The following CAMK4 variants were observed in gnomAD, a reference collection of about 807,000 sequenced individuals.
CAMK4 encodes the protein calcium/calmodulin dependent protein kinase IV.
Under a neutral mutation model 44.9 loss-of-function variants are expected in CAMK4, and 22 were observed. The ratio of observed to expected loss-of-function variants is 0.49; its 90% confidence interval spans 0.35 to 0.70. The LOEUF (loss-of-function observed/expected upper bound fraction) is 0.70. Among genes scored for constraint, CAMK4 ranks in the 30% least tolerant of loss-of-function variants. CAMK4 has a pLI of 0.01. For synonymous variants in CAMK4, 218 were observed against 215.4 expected, an observed-to-expected ratio of 1.01 and a Z score of -0.11; for missense variants, 498 against 586.8, an observed-to-expected ratio of 0.85 and a Z score of 1.56.
At chr5:111,353,396 A>C (rs1243683409) in intron 2 of CAMK4, among the ~76,000 whole-genome samples, 2 of 151,924 alleles carry the variant, frequency 1.3e-5, no homozygotes, top group African/African-American at 4.8e-5. Flanking sequence ...AACTACATAT[A>C]TTAATATGTG....
intron 2 of CAMK4, among the ~76,000 whole-genome samples, chr5:111,353,079 A>G (rs182073180): frequency 1.3e-5 from 2 of 152,126 alleles, no homozygotes; most frequent in Non-Finnish European, 2.9e-5. Flanking sequence ...GGTTGGAGGT[A>G]ATGCACAGAG....
intron 1 of CAMK4, among the ~76,000 whole-genome samples, chr5:111,252,084 C>T (rs764420527): frequency 1.3e-4 from 20 of 152,118 alleles, no homozygotes; most frequent in Non-Finnish European, 2.2e-4. Flanking sequence ...TATGGGATGC[C>T]AAGGCATAGT....
chr5:111,386,452 G>T (rs1226450917), intron 4 of CAMK4, among the ~76,000 whole-genome samples: 1 of 152,182 alleles, frequency 6.6e-6, no homozygotes, highest in African/African-American at 2.4e-5. Context: ...GGGCAGAGCA[G>T]CAGGGCTCCC....
At position 111,467,743 on chromosome 5, in the gene CAMK4, C is replaced by T. The variant is rs542427869; in HGVS notation, c.626-5568C>T. 2.4e-4 allele frequency among the ~76,000 whole-genome samples: 36 copies of T among 152,170 alleles called. No homozygotes were observed. The Middle Eastern group carries it at 0.014, about 58-fold the overall frequency. Reference sequence around the variant, plus strand: ...ATGTGGTGAAAGGGGAACACTTTTACACTGTTGATGGGAATGTAAACTAGT... The same window carrying T: ...ATGTGGTGAAAGGGGAACACTTTTATACTGTTGATGGGAATGTAAACTAGT... On this transcript the variant is annotated intron_variant, in intron 7 of 10. Coordinates refer to ENST00000282356, the MANE Select transcript of CAMK4 (RefSeq NM_001744.6).
At chr5:111,254,672 A>C (rs1749662908) in intron 1 of CAMK4, among the ~76,000 whole-genome samples, 1 of 152,110 alleles carries the variant, frequency 6.6e-6, no homozygotes, top group Non-Finnish European at 1.5e-5. Context: ...GAGTATGTAC[A>C]TTTCCACCTG....
At chr5:111,433,798 A>G in intron 5 of CAMK4, among the ~76,000 whole-genome samples, 1 of 152,202 alleles carries the variant, frequency 6.6e-6, no homozygotes, top group Non-Finnish European at 1.5e-5. Flanking sequence ...CATGGCAAGA[A>G]TTGTCCCAGG....
chr5:111,386,786 G>A (rs1001555026), intron 4 of CAMK4, among the ~76,000 whole-genome samples: 1 of 152,248 alleles, frequency 6.6e-6, no homozygotes, highest in Non-Finnish European at 1.5e-5. Flanking sequence ...GAAGCCAGAC[G>A]CTTTCAGTGG....
chr5:111,355,354 G>A (rs1031314690), intron 2 of CAMK4, among the ~76,000 whole-genome samples: 2 of 152,132 alleles, frequency 1.3e-5, no homozygotes, highest in South Asian at 2.1e-4. Context: ...TTAAATCTTG[G>A]CCTGATTTGT....
chr5:111,484,358 G>C lies in CAMK4; in HGVS notation c.1314G>C (p.Glu438Asp). The C allele has an allele frequency of 1.2e-6, 2 of 1,611,866 alleles. No individual in the cohort carries two copies. The highest frequency in any genetic ancestry group is 1.7e-6 in the Non-Finnish European group (2 of 1,179,042). Residue 438 changes from glutamate (E) to aspartate (D), a missense_variant, in exon 11 of 11, where the codon GAG (glutamate) becomes GAC (aspartate). Transcript: ENST00000282356. This position sits in a 1 kb window ranked among gnomAD's most constrained non-coding sequence, Gnocchi z 5.3. ...ADLELEEGLA[E>D]EKLKTVEEAA... Reference sequence around the variant, plus strand: ...TGGAACTAGAGGAGGGCCTAGCAGAGGAGAAGCTGAAGACTGTGGAGGAGG... The same window carrying C: ...TGGAACTAGAGGAGGGCCTAGCAGACGAGAAGCTGAAGACTGTGGAGGAGG...
intron 7 of CAMK4, among the ~76,000 whole-genome samples, chr5:111,464,881 A>C (rs1754767866): frequency 6.6e-6 from 1 of 152,224 alleles, no homozygotes; most frequent in African/African-American, 2.4e-5. Flanking sequence ...CTAATGGGTG[A>C]TATAAAAAAC....
chr5:111,395,881 G>C (rs1452685422), intron 5 of CAMK4, among the ~76,000 whole-genome samples: 1 of 152,108 alleles, frequency 6.6e-6, no homozygotes, highest in Non-Finnish European at 1.5e-5. Flanking sequence ...TATTTATCAG[G>C]ATCAGTTAAA....
At chr5:111,284,707 G>T (rs1388968221) in intron 1 of CAMK4, among the ~76,000 whole-genome samples, 1 of 152,208 alleles carries the variant, frequency 6.6e-6, no homozygotes, top group Non-Finnish European at 1.5e-5. Flanking sequence ...CTATCCGAGA[G>T]CGTTATTGCT....
intron 5 of CAMK4, among the ~76,000 whole-genome samples, chr5:111,436,428 C>T (rs1753649243): frequency 6.6e-6 from 1 of 152,202 alleles, no homozygotes; most frequent in African/African-American, 2.4e-5. Context: ...GATTCCCTAC[C>T]CAGAGGCTTT....
intron 2 of CAMK4, among the ~76,000 whole-genome samples, chr5:111,355,180 C>T (rs1201539301): frequency 1.3e-5 from 2 of 152,024 alleles, no homozygotes; most frequent in Non-Finnish European, 2.9e-5. Flanking sequence ...GACAATGAGC[C>T]GTGTCAAGTG....
chr5:111,376,847 T>C lies in CAMK4; in HGVS notation c.304-13T>C. ...GAAATTTGTGATATTCTTTTTTTTA[T>C]ATCTTTCCCTAGATAAAACTTAAAG... On this transcript the variant is annotated splice_polypyrimidine_tract_variant and intron_variant, in intron 3 of 10. Coordinates refer to ENST00000282356, the MANE Select transcript of CAMK4 (RefSeq NM_001744.6). 6.8e-7 allele frequency: 1 copy of C among 1,472,286 alleles called. No homozygotes were observed. The highest frequency in any genetic ancestry group is 1.4e-5 in the African/African-American group (1 of 71,370). 91.2% of individuals were successfully genotyped at this position (1,472,286 alleles called of 1,614,324 possible). A position where few individuals can be genotyped will look rare whatever the true frequency, so the allele number is the denominator to read the frequency against.
chr5:111,259,780 C>T (rs1217627868), intron 1 of CAMK4, among the ~76,000 whole-genome samples: 2 of 152,082 alleles, frequency 1.3e-5, no homozygotes, highest in Non-Finnish European at 2.9e-5. Context: ...AAATGATTTC[C>T]TGTGACTCAT....
intron 7 of CAMK4, among the ~76,000 whole-genome samples, chr5:111,457,385 A>G (rs1217091863): frequency 6.6e-6 from 1 of 152,230 alleles, no homozygotes; most frequent in Non-Finnish European, 1.5e-5. Flanking sequence ...TCCTATGAAT[A>G]TTACCATTGA....
intron 5 of CAMK4, among the ~76,000 whole-genome samples, chr5:111,439,654 C>T (rs542655774): frequency 1.3e-5 from 2 of 152,138 alleles, no homozygotes; most frequent in South Asian, 4.2e-4. Flanking sequence ...GAATGGAGTC[C>T]AGAGCTACAG....
intron 1 of CAMK4, among the ~76,000 whole-genome samples, chr5:111,310,962 T>C (rs1249901634): frequency 6.6e-6 from 1 of 152,052 alleles, no homozygotes; most frequent in Non-Finnish European, 1.5e-5. Flanking sequence ...CTCACACATA[T>C]CCGTTCTAAG....
Sources: allele counts gnomAD v4.1 joint callset (sites outside exome capture counted in the v4.1 genomes callset), GRCh38; gene constraint gnomAD v4.1.1; non-coding constraint Gnocchi (gnomAD v3.1); transcripts MANE v1.5; gene names NCBI Gene and HGNC (gene_info 2026-07-23, HGNC 2026-07-21).